The following MAP3K2 variants were observed in gnomAD, a reference collection of about 807,000 sequenced individuals.
MAP3K2 encodes the protein MAP/ERK kinase kinase 2.
In MAP3K2, 24 loss-of-function variants were observed where a neutral mutation model predicts 80.3. The ratio of observed to expected loss-of-function variants is 0.30; its 90% CI spans 0.22 to 0.42. The LOEUF (loss-of-function observed/expected upper bound fraction) is 0.42. MAP3K2 is among the 10% of genes least tolerant of loss of function. The pLI, the probability that MAP3K2 is intolerant of heterozygous loss-of-function variation, is 1.00. For synonymous variants in MAP3K2, 244 were observed against 253.7 expected (o/e 0.96, Z 0.36); for missense variants, 608 against 750.1 (o/e 0.81, Z 2.21).
In MAP3K2 at chr2:127,299,218, TA is replaced by T. The variant is rs1360066234; in HGVS notation, c.*8360del. The stretch of plus-strand genomic sequence containing the variant: ...GTAATTTTACATGGTACCGCATATT[TA>T]AAACAAAGTTTTCTTTAATACTACA... On this transcript the variant is annotated 3_prime_UTR_variant, in exon 17 of 17. Transcript: ENST00000682094. 15 of 152,208 alleles carry T rather than the reference TA, an allele frequency of 9.9e-5. No homozygotes were observed. Among genetic ancestry groups the T allele is most frequent in the African/African-American group, 3.6e-4 (15 of 41,454 alleles). 9.4% of individuals were successfully genotyped at this position (152,208 alleles called of 1,614,324 possible).
At chr2:127,380,926 T>C (rs1687234311) in intron 1 of MAP3K2, among the ~76,000 whole-genome samples, 1 of 152,240 alleles carries the variant, frequency 6.6e-6, no homozygotes, top group Non-Finnish European at 1.5e-5. Flanking sequence ...AAAAATGAAG[T>C]TCACTACAAA....
chr2:127,336,213 A>G (rs1458372070), intron 4 of MAP3K2, among the ~76,000 whole-genome samples: 1 of 152,340 alleles, frequency 6.6e-6, no homozygotes, highest in East Asian at 1.9e-4. Flanking sequence ...AATTTTCTGC[A>G]GTTTTTAATT....
chr2:127,383,438 C>CT (rs1026942907), intron 1 of MAP3K2, among the ~76,000 whole-genome samples: 13 of 152,150 alleles, frequency 8.5e-5, no homozygotes, highest in Middle Eastern at 3.4e-3. Flanking sequence ...TGGATTTTTT[C>CT]TTTTTTTGAA....
At position 127,356,877 on chromosome 2, in the gene MAP3K2, C is replaced by T. The variant is rs78427128; in HGVS notation, c.-65-13683G>A. On this transcript the variant is annotated intron_variant, in intron 1 of 16. Coordinates refer to ENST00000682094, the MANE Select transcript of MAP3K2 (RefSeq NM_001371910.2). ...GGCAACAAAAACAAAAATAGACAGA[C>T]GGGACTTAGTTGAACTAAAAAGCTT... 4.0e-3 allele frequency among the ~76,000 whole-genome samples: 608 copies of T among 152,150 alleles called. 7 individuals are homozygous for T. The highest frequency in any genetic ancestry group is 0.013 in the African/African-American group (535 of 41,496).
chr2:127,387,501 C>A lies in MAP3K2; in HGVS notation c.-115G>T. ...AGCCGCAGGCCCAAGGAGGGGCCGC[C>A]CCCGCCGAGCCCGCCCCTCCGCCCC... is the stretch of plus-strand genomic sequence containing the variant. On this transcript the variant is annotated 5_prime_UTR_variant, in exon 1 of 17. Coordinates refer to ENST00000682094, the MANE Select transcript of MAP3K2 (RefSeq NM_001371910.2). 4 of 985,082 alleles carry A rather than the reference C, an allele frequency of 4.1e-6. No homozygotes were observed. Among genetic ancestry groups the A allele is most frequent in the Non-Finnish European group, 4.8e-6 (4 of 829,842 alleles). The allele number at this position is 985,082 out of a possible 1,614,324, so 61.0% of individuals were successfully genotyped here.
At chr2:127,359,315 T>C (rs1382085634) in intron 1 of MAP3K2, among the ~76,000 whole-genome samples, 1 of 152,094 alleles carries the variant, frequency 6.6e-6, no homozygotes, top group African/African-American at 2.4e-5. Flanking sequence ...GATGAGAATA[T>C]ATATGGGAAC....
chr2:127,308,768 A>G lies in MAP3K2; in HGVS notation c.1457-6T>C. The G allele has an allele frequency of 6.2e-7, 1 of 1,611,006 alleles. No individual in the cohort carries two copies. On this transcript the variant is annotated splice_polypyrimidine_tract_variant and splice_region_variant and intron_variant, in intron 15 of 16. Transcript: ENST00000682094. ...ATCTCGCAGGATATTTGCGCCTAAA[A>G]ATAAGACATTGCCTCATTTCATTAA...
chr2:127,308,670 C>G lies in MAP3K2; in HGVS notation c.1549G>C (p.Gly517Arg). ...RLQTICLSGTGMKSVTGTPYW... is the reference protein window; with the variant it reads ...RLQTICLSGTRMKSVTGTPYW... ...GGTGTGCCCGTGACAGACTTCATTC[C>G]TGTCCCTGAGAGACAGATGGTCTGA... is the stretch of plus-strand genomic sequence containing the variant. The change falls in exon 16 of 17, where the codon GGA (glycine) becomes CGA (arginine). Residue 517 changes from glycine (G) to arginine (R), a missense_variant. This residue lies in a region of MAP3K2 where 88 missense variants were observed against 132.4 expected (regional missense o/e 0.66). Coordinates refer to ENST00000682094, the MANE Select transcript of MAP3K2 (RefSeq NM_001371910.2). 6.2e-7 allele frequency: 1 copy of G among 1,613,986 alleles called. No individual in the cohort carries two copies. The highest frequency in any genetic ancestry group is 8.5e-7 in the Non-Finnish European group (1 of 1,179,874).
chr2:127,370,343 T>C (rs534937281), intron 1 of MAP3K2, among the ~76,000 whole-genome samples: 7 of 152,314 alleles, frequency 4.6e-5, no homozygotes, highest in Admixed American at 4.6e-4. Context: ...CATCTGTTGT[T>C]CAGCCAGGGT....
At chr2:127,323,213 G>A (rs1686061136) in intron 11 of MAP3K2, among the ~76,000 whole-genome samples, 1 of 151,818 alleles carries the variant, frequency 6.6e-6, no homozygotes, top group African/African-American at 2.4e-5. Flanking sequence ...GACCAGCCTG[G>A]CCAACATGGC....
Position 127,324,261 on chromosome 2 carries a change from C to T in MAP3K2, c.678-20G>A. 1 of 1,446,998 alleles carries T rather than the reference C, an allele frequency of 6.9e-7. No homozygotes were observed. Among genetic ancestry groups the T allele is most frequent in the Non-Finnish European group, 9.4e-7 (1 of 1,064,826 alleles). 89.6% of individuals were successfully genotyped at this position (1,446,998 alleles called of 1,614,324 possible). A position where few individuals can be genotyped will look rare whatever the true frequency, so the allele number is the denominator to read the frequency against. ...CTCTCTCTATAAAGAAAAAACATCA[C>T]ATTAAGTTTACAGAAAGAACGTAAG... is the stretch of plus-strand genomic sequence containing the variant. On this transcript the variant is annotated intron_variant, in intron 9 of 16. Coordinates refer to ENST00000682094, the MANE Select transcript of MAP3K2 (RefSeq NM_001371910.2).
At chr2:127,378,971 G>T (rs983797554) in intron 1 of MAP3K2, among the ~76,000 whole-genome samples, 2 of 129,922 alleles carry the variant, frequency 1.5e-5, no homozygotes, top group Admixed American at 8.6e-5. Flanking sequence ...ATTTTGTGGG[G>T]TTTTTTGTTG....
intron 15 of MAP3K2, among the ~76,000 whole-genome samples, chr2:127,311,739 A>T (rs1420615947): frequency 6.6e-6 from 1 of 152,032 alleles, no homozygotes; most frequent in Non-Finnish European, 1.5e-5. Flanking sequence ...CACACCCAAG[A>T]GGATGAACAA....
At position 127,310,391 on chromosome 2, in the gene MAP3K2, G is replaced by C. The variant is rs564152586; in HGVS notation, c.1457-1629C>G. On this transcript the variant is annotated intron_variant, in intron 15 of 16. Coordinates refer to ENST00000682094, the MANE Select transcript of MAP3K2 (RefSeq NM_001371910.2). This position sits in a 1 kb window ranked among gnomAD's most constrained non-coding sequence, Gnocchi z 4.8. ...TGGCCAGGTGCAGTGGCACACACCT[G>C]TACTCCTAGCACTTTGGGAGGCAAA... is the stretch of plus-strand genomic sequence containing the variant. 6.6e-6 allele frequency among the ~76,000 whole-genome samples: 1 copy of C among 152,300 alleles called. No individual in the cohort carries two copies. The highest frequency in any genetic ancestry group is 2.1e-4 in the South Asian group (1 of 4,830).
intron 1 of MAP3K2, among the ~76,000 whole-genome samples, chr2:127,385,022 A>T (rs1356630303): frequency 6.6e-6 from 1 of 152,264 alleles, no homozygotes; most frequent in Non-Finnish European, 1.5e-5. Context: ...CTTAGATTAC[A>T]AAAACTTAGT....
chr2:127,386,039 C>T (rs974121381), intron 1 of MAP3K2, among the ~76,000 whole-genome samples: 6 of 151,902 alleles, frequency 3.9e-5, no homozygotes, highest in Non-Finnish European at 8.8e-5. Context: ...ATCTGTAAAC[C>T]ATCCACATGT....
At chr2:127,316,219 C>T (rs964209199) in intron 14 of MAP3K2, among the ~76,000 whole-genome samples, 1 of 151,824 alleles carries the variant, frequency 6.6e-6, no homozygotes, top group African/African-American at 2.4e-5. Context: ...ACTAAAAATA[C>T]AAGAATTAGC....
At position 127,305,842 on chromosome 2, in the gene MAP3K2, G is replaced by C. The variant is rs1372516394; in HGVS notation, c.*1737C>G. ...CAGCTGTCTTGTTCCATTTAACAAT[G>C]TCCTTGCTCTTATTGGATACATTGT... is the stretch of plus-strand genomic sequence containing the variant. On this transcript the variant is annotated 3_prime_UTR_variant, in exon 17 of 17. Transcript: ENST00000682094. 7 of 151,712 alleles carry C rather than the reference G, an allele frequency of 4.6e-5. No homozygotes were observed. The highest frequency in any genetic ancestry group is 1.7e-4 in the African/African-American group (7 of 41,258). 9.4% of individuals were successfully genotyped at this position (151,712 alleles called of 1,614,324 possible). A position where few individuals can be genotyped will look rare whatever the true frequency, so the allele number is the denominator to read the frequency against.
chr2:127,341,805 T>G (rs1198565006), intron 2 of MAP3K2, among the ~76,000 whole-genome samples: 4 of 152,258 alleles, frequency 2.6e-5, no homozygotes, highest in Non-Finnish European at 2.9e-5. Flanking sequence ...GTGCTGGGAT[T>G]ACAGGCATGA....
Sources: allele counts gnomAD v4.1 joint callset (sites outside exome capture counted in the v4.1 genomes callset), GRCh38; gene constraint gnomAD v4.1.1; regional missense constraint gnomAD v4.1.1; non-coding constraint Gnocchi (gnomAD v3.1); transcripts MANE v1.5; gene names NCBI Gene and HGNC (gene_info 2026-07-23, HGNC 2026-07-21).